Variants in CDC42BPB observed in about 807,000 individuals in gnomAD.
CDC42BPB encodes the protein serine/threonine-protein kinase MRCK beta.
In CDC42BPB, 37 loss-of-function variants were observed where a neutral mutation model predicts 214.9. The observed-to-expected ratio is 0.17, with a 90% CI of 0.13 to 0.23. The LOEUF is 0.23. Ranked by LOEUF, CDC42BPB falls within the 10% of genes least tolerant of loss-of-function variation. The probability of loss-of-function intolerance (pLI) is 1.00; values close to 1 mark genes in which losing one functional copy is unlikely to be tolerated. For synonymous variants in CDC42BPB, 931 were observed against 884.0 expected (o/e 1.05, Z -0.94); for missense variants, 1,694 against 2,227.0 (o/e 0.76, Z 4.82).
At chr14:103,015,310 C>T (rs1296771407) in intron 1 of CDC42BPB, among the ~76,000 whole-genome samples, 1 of 152,186 alleles carries the variant, frequency 6.6e-6, no homozygotes, top group African/African-American at 2.4e-5. Context: ...AGAACACTAA[C>T]AATTTTGTAC....
Position 102,983,598 on chromosome 14 carries a change from C to T in CDC42BPB, c.849G>A (p.Ala283=), listed in dbSNP as rs758352475. 3.4e-5 allele frequency: 55 copies of T among 1,611,236 alleles called. No individual in the cohort carries two copies. The highest frequency in any genetic ancestry group is 1.7e-4 in the African/African-American group (13 of 74,908). ...EMLYGETPFY[A]ESLVETYGKI... ...TCCCATAGGTCTCCACGAGTGACTC[C>T]GCATAAAACGGCGTTTCTCCATAGA... The change falls in exon 7 of 37, where the codon GCG becomes GCA. Residue 283 remains alanine, a synonymous_variant. Coordinates refer to ENST00000361246, the MANE Select transcript of CDC42BPB (RefSeq NM_006035.4).
chr14:103,044,660 C>T (rs776834994), intron 1 of CDC42BPB, among the ~76,000 whole-genome samples: 4 of 151,300 alleles, frequency 2.6e-5, no homozygotes, highest in Non-Finnish European at 2.9e-5. Context: ...TGAGCCACCA[C>T]GCCTGGCCCT....
At chr14:102,937,822 A>G (rs10129841) in intron 36 of CDC42BPB, among the ~76,000 whole-genome samples, 64,814 of 152,194 alleles carry the variant, frequency 0.43, 14,803 homozygotes, top group African/African-American at 0.58. Flanking sequence ...TCCAGAGGAA[A>G]GAGGCAGGTT....
intron 9 of CDC42BPB, chr14:102,976,357 C>G (rs1224090952): frequency 1.9e-5 from 6 of 324,060 alleles, no homozygotes; most frequent in Admixed American, 6.4e-5. Context: ...CTGCGTAAAG[C>G]AAGGCTTAGG....
intron 6 of CDC42BPB, among the ~76,000 whole-genome samples, chr14:102,984,413 G>T (rs1202686012): frequency 1.3e-5 from 2 of 152,114 alleles, no homozygotes; most frequent in Admixed American, 6.6e-5. Flanking sequence ...CGACCCTGTG[G>T]TCTTCCTCAT....
At chr14:102,959,149 T>C (rs541251678) in intron 21 of CDC42BPB, among the ~76,000 whole-genome samples, 201 of 151,596 alleles carry the variant, frequency 1.3e-3, no homozygotes, top group African/African-American at 4.5e-3. Flanking sequence ...ATACAAAAAT[T>C]AGCCGGGCGT....
intron 1 of CDC42BPB, among the ~76,000 whole-genome samples, chr14:103,053,589 G>C (rs556048476): frequency 9.9e-5 from 15 of 150,780 alleles, no homozygotes; most frequent in Non-Finnish European, 1.8e-4. Flanking sequence ...GTGAAACCCC[G>C]TCTCTACTAA....
rs140632643 is a variant in CDC42BPB at position 102,971,944 on chromosome 14, C to T, written c.1859G>A (p.Arg620Gln). The change falls in exon 13 of 37, where the codon CGG (arginine) becomes CAG (glutamine). Residue 620 changes from arginine to glutamine, a missense_variant. Physicochemically the swap from Arg to Gln is conservative, Grantham distance 43 (BLOSUM62 1). Around this residue, in one of 7 missense-constraint regions of CDC42BPB, gnomAD observed 462 missense variants for 513.5 expected, o/e 0.90. Transcript: ENST00000361246. Reference sequence around the variant, plus strand: ...CTCTTTCCTGAGCTTCTCAGCTCTCCGCATTTCCTGCCGCATGGCGTCCAC... The same window carrying T: ...CTCTTTCCTGAGCTTCTCAGCTCTCTGCATTTCCTGCCGCATGGCGTCCAC... ...QKVDAMRQEM[R>Q]RAEKLRKELE... 3.7e-6 allele frequency: 6 copies of T among 1,614,234 alleles called. No homozygotes were observed. Among genetic ancestry groups the T allele is most frequent in the African/African-American group, 1.3e-5 (1 of 75,064 alleles).
intron 2 of CDC42BPB, among the ~76,000 whole-genome samples, chr14:103,010,668 G>A (rs1886103801): frequency 6.6e-6 from 1 of 152,180 alleles, no homozygotes; most frequent in South Asian, 2.1e-4. Flanking sequence ...GAACCAAAAG[G>A]CACAGTTCCC....
At chr14:103,026,502 A>G (rs1180982503) in intron 1 of CDC42BPB, among the ~76,000 whole-genome samples, 1 of 152,192 alleles carries the variant, frequency 6.6e-6, no homozygotes, top group Non-Finnish European at 1.5e-5. Context: ...ACTTCACCAA[A>G]ATAAAAATCA....
At chr14:102,950,745 C>G in intron 24 of CDC42BPB, 143 bp from the exon 25 acceptor site, 1 of 1,307,824 alleles carries the variant, frequency 7.6e-7, no homozygotes, top group Non-Finnish European at 9.9e-7. Context: ...GTGGGCAGAC[C>G]ACTTGAGGTC....
intron 1 of CDC42BPB, among the ~76,000 whole-genome samples, chr14:103,049,492 C>T (rs766664729): frequency 1.3e-5 from 2 of 152,202 alleles, no homozygotes; most frequent in Non-Finnish European, 2.9e-5. Flanking sequence ...TAAATGTGAT[C>T]CTAACTAAAA....
intron 1 of CDC42BPB, among the ~76,000 whole-genome samples, chr14:103,020,307 G>A (rs1430888749): frequency 2.0e-5 from 3 of 152,166 alleles, no homozygotes; most frequent in South Asian, 2.1e-4. Flanking sequence ...CAGACGTCTC[G>A]CCCCCGAGTC....
chr14:102,969,153 G>C, intron 14 of CDC42BPB, among the ~76,000 whole-genome samples: 1 of 152,250 alleles, frequency 6.6e-6, no homozygotes. Context: ...AGGATGGCTG[G>C]GGCGGCTTCT....
rs752325328 is a variant in CDC42BPB, at chr14:102,938,297, C to T, written c.4933+9G>A. The T allele has an allele frequency of 3.0e-5, 49 of 1,607,584 alleles. No individual in the cohort carries two copies. In the East Asian group the frequency reaches 9.4e-4, roughly 31 times the overall value. ...CCCCAGGGCTGCGGGGGCCAGGCTT[C>T]CCCTGTACCTGATGAGGGCCACGAG... On this transcript the variant is annotated intron_variant, in intron 35 of 36. Coordinates refer to ENST00000361246, the MANE Select transcript of CDC42BPB (RefSeq NM_006035.4).
intron 9 of CDC42BPB, among the ~76,000 whole-genome samples, chr14:102,977,339 CAAA>C (rs56368090): frequency 5.5e-4 from 47 of 85,090 alleles, no homozygotes; most frequent in Admixed American, 1.7e-3. Context: ...ACTCCGTCTC[CAAA>C]AAAAAAAAAA....
chr14:103,044,328 G>A (rs372477599), intron 1 of CDC42BPB, among the ~76,000 whole-genome samples: 62 of 148,548 alleles, frequency 4.2e-4, no homozygotes, highest in African/African-American at 1.4e-3. Context: ...ATCCTCCCAA[G>A]TAGCTGAACT....
chr14:102,987,009 T>C (rs934388651), intron 5 of CDC42BPB, among the ~76,000 whole-genome samples: 2 of 152,164 alleles, frequency 1.3e-5, no homozygotes, highest in African/African-American at 4.8e-5. Flanking sequence ...AGCTCTGTGC[T>C]GAGTACCACG....
At position 102,940,312 on chromosome 14, in the gene CDC42BPB, G is replaced by T; in HGVS notation, c.4421C>A (p.Thr1474Asn). Residue 1474 changes from threonine to asparagine, a missense_variant, in exon 31 of 37, where the codon ACC becomes AAC. Coordinates refer to ENST00000361246, the MANE Select transcript of CDC42BPB (RefSeq NM_006035.4). ...ATACTCGCTGTACACCGTGACGTGGGTGGGGCTGCAACCTAGCGCAGACGG... is the reference window on the plus strand; with the variant it reads ...ATACTCGCTGTACACCGTGACGTGGTTGGGGCTGCAACCTAGCGCAGACGG... Reference protein sequence around the residue: ...AAPVACSCSPTHVTVYSEYGV... With the variant: ...AAPVACSCSPNHVTVYSEYGV... 1 of 1,573,698 alleles carries T rather than the reference G, an allele frequency of 6.4e-7. No homozygotes were observed.
Sources: allele counts gnomAD v4.1 joint callset (sites outside exome capture counted in the v4.1 genomes callset), GRCh38; gene constraint gnomAD v4.1.1; regional missense constraint gnomAD v4.1.1; transcripts MANE v1.5; gene names NCBI Gene and HGNC (gene_info 2026-07-23, HGNC 2026-07-21).